The following SLIT3 variants were observed in gnomAD, a reference collection of about 807,000 sequenced individuals.
SLIT3 encodes the protein slit guidance ligand 3.
In SLIT3, 68 loss-of-function variants were observed where a neutral mutation model predicts 184.0. The ratio of observed to expected loss-of-function variants is 0.37; its 90% CI spans 0.30 to 0.45. The LOEUF (loss-of-function observed/expected upper bound fraction) is 0.45. SLIT3 is among the 20% of genes least tolerant of loss of function. SLIT3 has a pLI of 1.00. For missense variants in SLIT3, 1,707 were observed against 2,026.0 expected, an observed-to-expected ratio of 0.84 and a Z score of 3.02; for synonymous variants, 831 against 828.6, an observed-to-expected ratio of 1.00 and a Z score of -0.05.
intron 4 of SLIT3, among the ~76,000 whole-genome samples, chr5:169,149,129 G>A (rs953469654): frequency 7.9e-5 from 12 of 152,154 alleles, no homozygotes; most frequent in Non-Finnish European, 1.6e-4. Context: ...AAGCTAGTCC[G>A]ATCTCCTAAA....
chr5:168,916,483 C>G (rs1234604439), intron 4 of SLIT3, among the ~76,000 whole-genome samples: 1 of 152,246 alleles, frequency 6.6e-6, no homozygotes, highest in Non-Finnish European at 1.5e-5. Context: ...AGGCGCCAAG[C>G]ACGTCACTTA....
chr5:169,157,781 G>A (rs1186948452), intron 4 of SLIT3, among the ~76,000 whole-genome samples: 1 of 151,918 alleles, frequency 6.6e-6, no homozygotes, highest in Non-Finnish European at 1.5e-5. Flanking sequence ...GAACAATAAG[G>A]AACATGTTTG....
At chr5:169,102,228 C>T (rs934529379) in intron 4 of SLIT3, among the ~76,000 whole-genome samples, 1 of 152,168 alleles carries the variant, frequency 6.6e-6, no homozygotes, top group Non-Finnish European at 1.5e-5. Flanking sequence ...ACATCCCCTG[C>T]CTGAAGGGGA....
At chr5:168,868,163 A>C (rs2974437) in intron 5 of SLIT3, among the ~76,000 whole-genome samples, 2,610 of 152,264 alleles carry the variant, frequency 0.017, 77 homozygotes, top group African/African-American at 0.059. Context: ...TGTAAGATAA[A>C]CTCTGTGTGC....
intron 3 of SLIT3, among the ~76,000 whole-genome samples, chr5:169,220,947 T>A (rs1451241649): frequency 1.3e-5 from 2 of 152,214 alleles, no homozygotes; most frequent in African/African-American, 2.4e-5. Context: ...ACCCTTCACT[T>A]GGCTCCCATT....
intron 34 of SLIT3, among the ~76,000 whole-genome samples, chr5:168,670,388 A>G (rs977197823): frequency 6.6e-6 from 1 of 152,212 alleles, no homozygotes; most frequent in African/African-American, 2.4e-5. Flanking sequence ...TGTACCAGGA[A>G]TTGTGTTAAG....
chr5:168,670,167 C>A (rs927545828), intron 34 of SLIT3, among the ~76,000 whole-genome samples, 176 bp from the exon 35 acceptor site: 3 of 152,216 alleles, frequency 2.0e-5, no homozygotes, highest in Non-Finnish European at 2.9e-5. Context: ...CCCTGGCCAA[C>A]CAGCCAGAAG....
At chr5:168,785,183 G>C (rs1282840165) in intron 12 of SLIT3, among the ~76,000 whole-genome samples, 7 of 152,284 alleles carry the variant, frequency 4.6e-5, no homozygotes, top group Middle Eastern at 3.4e-3. Flanking sequence ...CATGTGTGTA[G>C]ATGCTATAGC....
In SLIT3 at chr5:168,933,217, G is replaced by T. The variant is rs1762049158; in HGVS notation, c.414-49881C>A. On this transcript the variant is annotated intron_variant, in intron 4 of 35. Transcript: ENST00000519560. ...GACTTTAAGACCTTAGCCCACTAAG[G>T]ATTTCTGATCAGCATCTCTGCTAAT... Among the ~76,000 whole-genome samples, 3 of 152,188 alleles carry T rather than the reference G, an allele frequency of 2.0e-5. No individual in the cohort carries two copies. In the South Asian group the frequency reaches 6.2e-4, roughly 32 times the overall value.
At chr5:169,086,011 C>T (rs990527767) in intron 4 of SLIT3, among the ~76,000 whole-genome samples, 11 of 152,094 alleles carry the variant, frequency 7.2e-5, no homozygotes, top group African/African-American at 2.7e-4. Context: ...TTTTCAGAGG[C>T]CCTCATTTTC....
intron 4 of SLIT3, among the ~76,000 whole-genome samples, chr5:169,079,057 C>T (rs1196520596): frequency 6.6e-6 from 1 of 152,132 alleles, no homozygotes; most frequent in Non-Finnish European, 1.5e-5. Flanking sequence ...CCTTTAGCTC[C>T]CTAAACAAGA....
At chr5:168,770,678 T>C (rs1476536555) in intron 14 of SLIT3, among the ~76,000 whole-genome samples, 3 of 151,990 alleles carry the variant, frequency 2.0e-5, no homozygotes, top group African/African-American at 7.3e-5. Flanking sequence ...AAAAAAGGTA[T>C]CTTAGAGTCA....
At chr5:168,746,616 T>G (rs2113450588) in intron 20 of SLIT3, among the ~76,000 whole-genome samples, 2 of 56,622 alleles carry the variant, frequency 3.5e-5, no homozygotes, top group African/African-American at 7.1e-5. Flanking sequence ...GTGTGGTGTG[T>G]AGTATGGTGG....
intron 4 of SLIT3, among the ~76,000 whole-genome samples, chr5:168,976,499 A>C (rs1395465996): frequency 6.6e-6 from 1 of 152,242 alleles, no homozygotes; most frequent in Non-Finnish European, 1.5e-5. Context: ...AAATGAAAAA[A>C]ATAAACACAG....
chr5:168,950,595 G>C (rs533315695), intron 4 of SLIT3, among the ~76,000 whole-genome samples: 140 of 152,308 alleles, frequency 9.2e-4, no homozygotes, highest in African/African-American at 3.1e-3. Context: ...TTTATTTACA[G>C]AAACATTCTG....
chr5:169,051,466 A>G (rs1373462456), intron 4 of SLIT3, among the ~76,000 whole-genome samples: 1 of 152,172 alleles, frequency 6.6e-6, no homozygotes, highest in Non-Finnish European at 1.5e-5. Flanking sequence ...CTTCCAGAGG[A>G]GATGTCAATC....
At chr5:169,217,918 C>T (rs576168343) in intron 3 of SLIT3, among the ~76,000 whole-genome samples, 4 of 152,320 alleles carry the variant, frequency 2.6e-5, no homozygotes, top group African/African-American at 9.6e-5. Flanking sequence ...CCAGCTAAGA[C>T]ATTTCTGAGG....
At chr5:168,716,472 T>A (rs1367192155) in intron 23 of SLIT3, among the ~76,000 whole-genome samples, 1 of 152,216 alleles carries the variant, frequency 6.6e-6, no homozygotes, top group Non-Finnish European at 1.5e-5. Context: ...AAGCACTCAG[T>A]CACATTAGCT....
rs114041645 is a variant in SLIT3, at chr5:168,955,411, C to T, written c.414-72075G>A. Among the ~76,000 whole-genome samples, 689 of 152,158 alleles carry T rather than the reference C, an allele frequency of 4.5e-3. 4 individuals are homozygous for T. Among genetic ancestry groups the T allele is most frequent in the African/African-American group, 0.016 (654 of 41,570 alleles). The stretch of plus-strand genomic sequence containing the variant: ...GGTTAGGACTCAATTGCTCCCCACT[C>T]TCCCTCCCCACAGCTCTGCTTCTCC... On this transcript the variant is annotated intron_variant, in intron 4 of 35. Coordinates refer to ENST00000519560, the MANE Select transcript of SLIT3 (RefSeq NM_003062.4).
Sources: gnomAD v4.1 joint callset for allele counts (sites outside exome capture counted in the v4.1 genomes callset) on GRCh38, gnomAD v4.1.1 for gene constraint, MANE v1.5 for transcripts, NCBI Gene and HGNC (gene_info 2026-07-23, HGNC 2026-07-21) for gene names.